The following RHOT2 variants were observed in gnomAD, a reference collection of about 807,000 sequenced individuals.
The protein encoded by RHOT2 is ras homolog family member T2, also known as mitochondrial Rho GTPase 2.
RHOT2 carries 90 observed loss-of-function variants against 81.6 expected under a neutral mutation model. The ratio of observed to expected loss-of-function variants is 1.10; its 90% CI spans 0.93 to 1.31. RHOT2 has a LOEUF of 1.31. Among genes scored for constraint, RHOT2 ranks in the 40% most tolerant of loss-of-function variants. RHOT2 has a pLI of 0.00. For synonymous variants in RHOT2, 512 were observed against 370.9 expected (o/e 1.38, Z -4.37); for missense variants, 1,014 against 841.9 (o/e 1.20, Z -2.53).
Position 669,859 on chromosome 16 carries a change from G to A in RHOT2, c.276+253G>A, listed in dbSNP as rs1006795949. The A allele has an allele frequency of 1.1e-5, 7 of 615,836 alleles. No individual in the cohort carries two copies. The East Asian group carries it at 1.4e-4, about 12-fold the overall frequency. 38.1% of individuals were successfully genotyped at this position (615,836 alleles called of 1,614,324 possible). A position where few individuals can be genotyped will look rare whatever the true frequency, so the allele number is the denominator to read the frequency against. On this transcript the variant is annotated intron_variant, in intron 5 of 18. Transcript: ENST00000315082. Reference sequence around the variant, plus strand: ...TCCCCAGTTTCCAAACCCCCGGGGGGGGACCCGCAGAGGGCCTGCGTTGGG... The same window carrying A: ...TCCCCAGTTTCCAAACCCCCGGGGGAGGACCCGCAGAGGGCCTGCGTTGGG...
At chr16:673,439 A>C (rs763059898) in intron 18 of RHOT2, 41 bp from the exon 19 acceptor site, 28 of 1,611,778 alleles carry the variant, frequency 1.7e-5, no homozygotes, top group Non-Finnish European at 2.4e-5. Context: ...AGCTGGGGGC[A>C]TGTGCCTGAG....
chr16:671,817 C>CCCCCG, intron 12 of RHOT2, 36 bp downstream of exon 12: 1 of 1,543,104 alleles, frequency 6.5e-7, no homozygotes. Flanking sequence ...CCTGCCCCCG[C>CCCCCG]CCCCTCCCCG....
Position 671,604 on chromosome 16 carries a change from G to A in RHOT2, c.870-93G>A, listed in dbSNP as rs532784476. 2.5e-5 allele frequency: 35 copies of A among 1,391,460 alleles called. 1 individual carries two copies. The South Asian group carries it at 2.9e-4, about 12-fold the overall frequency. 86.2% of individuals were successfully genotyped at this position (1,391,460 alleles called of 1,614,324 possible). On this transcript the variant is annotated intron_variant, in intron 11 of 18. Coordinates refer to ENST00000315082, the MANE Select transcript of RHOT2 (RefSeq NM_138769.3). ...CCTCTGGGTCCTGTAGGGAGGGTCC[G>A]GCTGCACCGATGGGGCTGGCAGGGT... is the stretch of plus-strand genomic sequence containing the variant.
Position 670,309 on chromosome 16 carries a change from C to T in RHOT2, c.390C>T (p.Ala130=), listed in dbSNP as rs201255281. 3.8e-5 allele frequency: 62 copies of T among 1,612,814 alleles called. No homozygotes were observed. The highest frequency in any genetic ancestry group is 1.7e-4 in the Middle Eastern group (1 of 6,058). ...SDLRSGSSME[A]VLPIMSQFPE... ...TGCGGTCGGGGAGCTCCATGGAGGC[C>T]GTGCTCCCCATCATGAGCCAGTTTC... The change falls in exon 7 of 19, where the codon GCC becomes GCT. Residue 130 remains alanine, a synonymous_variant. Transcript: ENST00000315082.
In RHOT2 at chr16:671,810, G is replaced by GCCCCCTCCCCCCCCCC; in HGVS notation, c.954+34_954+35insTCCCCCCCCCCCCCCC. ...AGAGCATGGCGAGTCCCCTGCCCCT[G>GCCCCCTCCCCCCCCCC]CCCCCGCCCCCTCCCCGGCACACAC... On this transcript the variant is annotated intron_variant, in intron 12 of 18. Transcript: ENST00000315082. 1.9e-6 allele frequency: 3 copies of GCCCCCTCCCCCCCCCC among 1,586,244 alleles called. No individual in the cohort carries two copies. In the South Asian group the frequency reaches 3.3e-5, roughly 18 times the overall value.
chr16:671,073 C>T lies in RHOT2; in HGVS notation c.749-10C>T, dbSNP rs2038847699. The T allele has an allele frequency of 6.2e-7, 1 of 1,608,874 alleles. No homozygotes were observed. The highest frequency in any genetic ancestry group is 1.7e-5 in the Admixed American group (1 of 59,944). On this transcript the variant is annotated splice_polypyrimidine_tract_variant and intron_variant, in intron 10 of 18. Transcript: ENST00000315082. ...GTGCCTGGTGCTCCCCCTGCTTTGT[C>T]TCGGTGCAGGTTTCCTCTTCCTGAA...
chr16:673,332 C>T (rs1242140952), intron 18 of RHOT2, 148 bp from the exon 19 acceptor site: 36 of 1,314,260 alleles, frequency 2.7e-5, no homozygotes, highest in Non-Finnish European at 3.8e-5. Flanking sequence ...CCAGGCATGT[C>T]CCTCCAGGGC....
In RHOT2 at chr16:670,670, C is replaced by T. The variant is rs1042021843; in HGVS notation, c.541-5C>T. The T allele has an allele frequency of 1.3e-5, 21 of 1,611,960 alleles. No homozygotes were observed. The highest frequency in any genetic ancestry group is 1.8e-5 in the Non-Finnish European group (21 of 1,179,752). ...CCTGAGGGTGCTGAGCCAACATCCC[C>T]ACAGTTGAGGCCCGCGTGCGCCCAG... On this transcript the variant is annotated splice_polypyrimidine_tract_variant and splice_region_variant and intron_variant, in intron 8 of 18. Coordinates refer to ENST00000315082, the MANE Select transcript of RHOT2 (RefSeq NM_138769.3).
chr16:670,037 T>C, intron 5 of RHOT2, 86 bp from the exon 6 acceptor site: 1 of 1,324,448 alleles, frequency 7.6e-7, no homozygotes, highest in African/African-American at 1.5e-5. Context: ...CTCCCCCTTC[T>C]GCTCTCCCCC....
Position 672,008 on chromosome 16 carries a change from T to C in RHOT2, c.1097+6T>C. The stretch of plus-strand genomic sequence containing the variant: ...GGATACCTCTGCCAGTGGACGTAAG[T>C]GCGGCCCACACCATGCCCGCCTGCC... On this transcript the variant is annotated splice_donor_region_variant and intron_variant, in intron 13 of 18. Coordinates refer to ENST00000315082, the MANE Select transcript of RHOT2 (RefSeq NM_138769.3). 1 of 1,611,658 alleles carries C rather than the reference T, an allele frequency of 6.2e-7. No individual in the cohort carries two copies. Among genetic ancestry groups the C allele is most frequent in the Non-Finnish European group, 8.5e-7 (1 of 1,179,480 alleles).
rs1233539397 is a variant in RHOT2 at position 672,251 on chromosome 16, C to A, written c.1196-3C>A. On this transcript the variant is annotated splice_polypyrimidine_tract_variant and splice_region_variant and intron_variant, in intron 14 of 18. Transcript: ENST00000315082. ...CTGCCCTAACCCGTGTCTATCCTCA[C>A]AGTCACTCGTGAGAAGAGGCTGGAC... 6.2e-7 allele frequency: 1 copy of A among 1,611,402 alleles called. No individual in the cohort carries two copies. Among genetic ancestry groups the A allele is most frequent in the Non-Finnish European group, 8.5e-7 (1 of 1,179,042 alleles).
Position 670,366 on chromosome 16 carries a change from G to T in RHOT2, c.438+9G>T. On this transcript the variant is annotated intron_variant, in intron 7 of 18. Coordinates refer to ENST00000315082, the MANE Select transcript of RHOT2 (RefSeq NM_138769.3). Reference sequence around the variant, plus strand: ...TTGAGACCTGCGTGGAGGTGAGTAGGTCCCAGGCAGGGCCGCCTCCTTCAT... The same window carrying T: ...TTGAGACCTGCGTGGAGGTGAGTAGTTCCCAGGCAGGGCCGCCTCCTTCAT... The T allele has an allele frequency of 1.2e-6, 2 of 1,612,204 alleles. No homozygotes were observed. Among genetic ancestry groups the T allele is most frequent in the Non-Finnish European group, 1.7e-6 (2 of 1,179,438 alleles).
Position 673,509 on chromosome 16 carries a change from C to T in RHOT2, c.1760C>T (p.Ser587Phe). The change falls in exon 19 of 19, where the codon TCT (serine) becomes TTT (phenylalanine). Residue 587 changes from serine to phenylalanine, a missense_variant. Ser to Phe is a radical substitution (Grantham distance 155). Coordinates refer to ENST00000315082, the MANE Select transcript of RHOT2 (RefSeq NM_138769.3). ...TTGGTCCACGCAGAGCTGCATCCCT[C>T]TTCCTTCTGGCTCCGGGGGCTGCTG... ...PHLVHAELHP[S>F]SFWLRGLLGV... 2 of 1,612,710 alleles carry T rather than the reference C, an allele frequency of 1.2e-6. No homozygotes were observed. Among genetic ancestry groups the T allele is most frequent in the Non-Finnish European group, 1.7e-6 (2 of 1,179,930 alleles).
rs778695005 is a variant in RHOT2 at position 668,541 on chromosome 16, G to A, written c.150G>A (p.Lys50=). 15 of 1,610,516 alleles carry A rather than the reference G, an allele frequency of 9.3e-6. No homozygotes were observed. In the South Asian group the frequency reaches 1.5e-4, roughly 17 times the overall value. ...TCCCCGCGGACGTCACCCCGGAGAAGGTGCCCACCCACATCGTGGACTACT... is the reference window on the plus strand; with the variant it reads ...TCCCCGCGGACGTCACCCCGGAGAAAGTGCCCACCCACATCGTGGACTACT... ...ITIPADVTPE[K]VPTHIVDYSE... is the part of the protein sequence containing the mutation. The change falls in exon 3 of 19, where the codon AAG becomes AAA. Residue 50 remains lysine, a synonymous_variant. Transcript: ENST00000315082.
chr16:668,368 C>A lies in RHOT2; in HGVS notation c.53C>A (p.Thr18Lys), dbSNP rs897531980. Residue 18 changes from threonine to lysine, a missense_variant, in exon 2 of 19, where the codon ACG (threonine) becomes AAG (lysine). Physicochemically the swap from Thr to Lys is moderately conservative, Grantham distance 78. Transcript: ENST00000315082. ...CCCCGCGCAGCCCAGGTGGGGAAGA[C>A]GTCGCTGATCCTGTCCCTGGTGGGC... ...LLLGEAQVGK[T>K]SLILSLVGEE... 4 of 1,429,236 alleles carry A rather than the reference C, an allele frequency of 2.8e-6. No homozygotes were observed. The highest frequency in any genetic ancestry group is 2.7e-6 in the Non-Finnish European group (3 of 1,098,936). The allele number at this position is 1,429,236 out of a possible 1,614,324, so 88.5% of individuals were successfully genotyped here. A position where few individuals can be genotyped will look rare whatever the true frequency, so the allele number is the denominator to read the frequency against.
chr16:673,835 G>C lies in RHOT2; in HGVS notation c.*229G>C, dbSNP rs966776554. The C allele has an allele frequency of 3.3e-5, 21 of 629,826 alleles. No individual in the cohort carries two copies. Among genetic ancestry groups the C allele is most frequent in the Non-Finnish European group, 5.9e-5 (21 of 356,700 alleles). 39.0% of individuals were successfully genotyped at this position (629,826 alleles called of 1,614,324 possible). A position where few individuals can be genotyped will look rare whatever the true frequency, so the allele number is the denominator to read the frequency against. On this transcript the variant is annotated 3_prime_UTR_variant, in exon 19 of 19. Coordinates refer to ENST00000315082, the MANE Select transcript of RHOT2 (RefSeq NM_138769.3). ...TGGGCCGTGGCAGGTGGCTGAGCAGGAGCTCCCAAGTGCCGGCCACCGCTG... is the reference window on the plus strand; with the variant it reads ...TGGGCCGTGGCAGGTGGCTGAGCAGCAGCTCCCAAGTGCCGGCCACCGCTG...
chr16:672,587 G>A, intron 16 of RHOT2, 21 bp downstream of exon 16: 2 of 1,611,826 alleles, frequency 1.2e-6, no homozygotes, highest in Non-Finnish European at 1.7e-6. Context: ...GGGCGGCGCG[G>A]CCTGTGCCCG....
rs1478057573 is a variant in RHOT2 at position 673,460 on chromosome 16, A to G, written c.1731-20A>G. On this transcript the variant is annotated intron_variant, in intron 18 of 18. Coordinates refer to ENST00000315082, the MANE Select transcript of RHOT2 (RefSeq NM_138769.3). The stretch of plus-strand genomic sequence containing the variant: ...GGGCATGTGCCTGAGGTATCTGCAG[A>G]TGATTCTTCTCTCTTGCAGACATTT... 7.4e-6 allele frequency: 12 copies of G among 1,612,430 alleles called. No individual in the cohort carries two copies. The Admixed American group carries it at 1.7e-4, about 22-fold the overall frequency.
At chr16:668,838 G>A (rs944574036) in intron 4 of RHOT2, 139 bp downstream of exon 4, 6 of 926,868 alleles carry the variant, frequency 6.5e-6, no homozygotes, top group Non-Finnish European at 6.3e-6. Flanking sequence ...GAGGGTTGTC[G>A]GGGCCCCTAC....
Sources: allele counts gnomAD v4.1 joint callset, GRCh38; gene constraint gnomAD v4.1.1; transcripts MANE v1.5; gene names NCBI Gene and HGNC (gene_info 2026-07-23, HGNC 2026-07-21).